The following CLASP1 variants were observed in gnomAD, a reference collection of about 807,000 sequenced individuals.
CLASP1 encodes CLIP-associating protein 1.
In CLASP1, 38 loss-of-function variants were observed where a neutral mutation model predicts 192.3. The ratio of observed to expected loss-of-function variants is 0.20; its 90% CI spans 0.15 to 0.26. CLASP1 has a LOEUF of 0.26. Among genes scored for constraint, CLASP1 ranks in the 10% least tolerant of loss-of-function variants. The pLI, the probability that CLASP1 is intolerant of heterozygous loss-of-function variation, is 1.00. For missense variants in CLASP1, 1,433 were observed against 1,932.5 expected, an observed-to-expected ratio of 0.74 and a Z score of 4.85; for synonymous variants, 691 against 712.8, an observed-to-expected ratio of 0.97 and a Z score of 0.49.
chr2:121,443,807 A>G (rs1467935579), intron 19 of CLASP1, among the ~76,000 whole-genome samples: 4 of 152,210 alleles, frequency 2.6e-5, no homozygotes, highest in Non-Finnish European at 4.4e-5. Flanking sequence ...TAAATTTAAG[A>G]AACACTGCTC....
chr2:121,488,754 A>G (rs1403256566), intron 8 of CLASP1, among the ~76,000 whole-genome samples: 5 of 152,198 alleles, frequency 3.3e-5, no homozygotes, highest in Non-Finnish European at 7.3e-5. Context: ...TATTTTGCAG[A>G]TTTTTAATGG....
chr2:121,387,280 A>T (rs2073431310), intron 31 of CLASP1, 52 bp from the exon 33 acceptor site: 1 of 1,200,162 alleles, frequency 8.3e-7, no homozygotes. Context: ...TATAGAATAT[A>T]TTCTATTCTT....
intron 8 of CLASP1, chr2:121,470,621 A>C: frequency 4.5e-6 from 2 of 447,572 alleles, no homozygotes; most frequent in South Asian, 3.2e-5. Context: ...CACCATTAGA[A>C]ATGCAATATT....
At chr2:121,430,551 G>GA (rs2081217124) in intron 19 of CLASP1, among the ~76,000 whole-genome samples, 1 of 151,788 alleles carries the variant, frequency 6.6e-6, no homozygotes, top group Non-Finnish European at 1.5e-5. Flanking sequence ...CTACAAATCT[G>GA]ACAAATTTCC....
chr2:121,643,270 G>A (rs1051400600), intron 1 of CLASP1, among the ~76,000 whole-genome samples: 70 of 152,000 alleles, frequency 4.6e-4, no homozygotes, highest in African/African-American at 1.5e-3. Flanking sequence ...AAGTATATAC[G>A]CACTAAAGGA....
chr2:121,412,133 G>C (rs2077807802), intron 23 of CLASP1, among the ~76,000 whole-genome samples: 1 of 152,084 alleles, frequency 6.6e-6, no homozygotes, highest in Admixed American at 6.5e-5. Flanking sequence ...AACTTAAAAA[G>C]TGAATTGTTA....
chr2:121,623,597 A>T (rs1215180933), intron 1 of CLASP1, among the ~76,000 whole-genome samples: 1 of 152,154 alleles, frequency 6.6e-6, no homozygotes, highest in Non-Finnish European at 1.5e-5. Context: ...GAGTGTGTGG[A>T]GAATTTATGT....
chr2:121,593,806 T>C (rs1266408211), intron 2 of CLASP1, among the ~76,000 whole-genome samples: 2 of 107,104 alleles, frequency 1.9e-5, no homozygotes, highest in African/African-American at 3.7e-5. Flanking sequence ...AGGTTGGGAG[T>C]TCAAGACCAG....
intron 30 of CLASP1, among the ~76,000 whole-genome samples, chr2:121,394,993 C>T (rs1269335837): frequency 3.9e-5 from 6 of 152,182 alleles, no homozygotes; most frequent in East Asian, 1.9e-4. Flanking sequence ...TGTATTCTCC[C>T]GATAGCTTTG....
chr2:121,348,751 C>T, intron 37 of CLASP1, 33 bp from the exon 39 acceptor site: 2 of 1,514,832 alleles, frequency 1.3e-6, no homozygotes, highest in Non-Finnish European at 1.8e-6. Flanking sequence ...AGAGTGAGCT[C>T]CACATGCCAC....
intron 34 of CLASP1, among the ~76,000 whole-genome samples, chr2:121,375,105 G>A (rs866887241): frequency 1.5e-4 from 23 of 152,280 alleles, no homozygotes; most frequent in Admixed American, 1.2e-3. Context: ...GAACCTGGTA[G>A]GAGGTGACTG....
rs141864472 is a variant in CLASP1 at position 121,551,381 on chromosome 2, A to G, written c.196-21056T>C. 7.2e-5 allele frequency among the ~76,000 whole-genome samples: 11 copies of G among 152,320 alleles called. No individual in the cohort carries two copies. The East Asian group carries it at 2.1e-3, about 29-fold the overall frequency. On this transcript the variant is annotated intron_variant, in intron 2 of 39. Coordinates refer to ENST00000263710, the Ensembl canonical transcript of CLASP1. ...TCAGGCAAGAGAAAGAAATAAAGGC[A>G]TCCAAATAAGAAGACAGGAAGTCAA...
chr2:121,644,283 A>AT (rs2072700790), intron 1 of CLASP1, among the ~76,000 whole-genome samples: 1 of 151,846 alleles, frequency 6.6e-6, no homozygotes, highest in African/African-American at 2.4e-5. Flanking sequence ...ACCTAAGAAA[A>AT]CAGCTGTATA....
At chr2:121,337,965 A>C (rs530988806) in exon 40 of CLASP1, 8 of 151,640 alleles carry the variant, frequency 5.3e-5, no homozygotes, top group South Asian at 2.1e-4. Flanking sequence ...AAAAAAACCC[A>C]AAAAACAAAA....
chr2:121,427,570 T>C (rs2080656796), intron 20 of CLASP1, 140 bp from the exon 21 acceptor site: 1 of 782,388 alleles, frequency 1.3e-6, no homozygotes, highest in African/African-American at 1.7e-5. Flanking sequence ...TTCCTAGGAC[T>C]TGTTCCTCCT....
intron 2 of CLASP1, chr2:121,603,056 T>C (rs1452690890): frequency 6.6e-6 from 1 of 152,016 alleles, no homozygotes; most frequent in African/African-American, 2.4e-5. Flanking sequence ...ATTACTCCTC[T>C]GACAGGAGAC....
chr2:121,346,750 G>A (rs771545903), intron 39 of CLASP1, among the ~76,000 whole-genome samples: 3 of 152,182 alleles, frequency 2.0e-5, no homozygotes, highest in Non-Finnish European at 4.4e-5. Flanking sequence ...AAAATCGGAT[G>A]GTTTCTAATT....
chr2:121,491,551 A>G (rs1031226239), intron 8 of CLASP1, among the ~76,000 whole-genome samples: 2 of 152,250 alleles, frequency 1.3e-5, no homozygotes, highest in Admixed American at 6.5e-5. Context: ...GCACATCTGC[A>G]TGATTTAAAA....
At chr2:121,409,050 G>A in intron 24 of CLASP1, 1 of 1,566,230 alleles carries the variant, frequency 6.4e-7, no homozygotes, top group Non-Finnish European at 8.7e-7. Flanking sequence ...CCTAACAGCT[G>A]TAGGCAGGAA....
Sources: allele counts gnomAD v4.1 joint callset (sites outside exome capture counted in the v4.1 genomes callset), GRCh38; gene constraint gnomAD v4.1.1; transcripts MANE v1.5; gene names NCBI Gene and HGNC (gene_info 2026-07-23, HGNC 2026-07-21).